Variants in H1-8 observed in about 807,000 individuals in gnomAD.
The protein encoded by H1-8 is histone H1.8.
A neutral mutation model predicts 19.5 loss-of-function variants in H1-8; 13 were observed. The ratio of observed to expected loss-of-function variants is 0.67; its 90% confidence interval spans 0.43 to 1.06. The LOEUF (loss-of-function observed/expected upper bound fraction) is 1.06. Ranked by LOEUF, H1-8 falls within the 50% of genes least tolerant of loss-of-function variation. The pLI is 0.00. For missense variants in H1-8, 432 were observed against 459.8 expected (o/e 0.94, Z 0.55); for synonymous variants, 193 against 187.6 (o/e 1.03, Z -0.24).
At chr3:129,549,413 G>A (rs2084917329) in intron 3 of H1-8, 49 bp downstream of exon 3, 2 of 1,504,214 alleles carry the variant, frequency 1.3e-6, no homozygotes, top group African/African-American at 2.8e-5. Flanking sequence ...GGTCTTGACA[G>A]CCACTGGAGC....
At position 129,548,705 on chromosome 3, in the gene H1-8, G is replaced by GA. The variant is rs796695459; in HGVS notation, c.379-296_379-295insA. 0.017 allele frequency among the ~76,000 whole-genome samples: 2,626 copies of GA among 152,238 alleles called. 314 individuals are homozygous for GA. In the East Asian group the frequency reaches 0.31, roughly 18 times the overall value. On this transcript the variant is annotated intron_variant, in intron 2 of 4. Transcript: ENST00000324382. The stretch of plus-strand genomic sequence containing the variant: ...GCTGAGCGTCAAGGGGCGAGGTGGT[G>GA]GGGGCATGGGGCATGAGGCAGGGCA...
At chr3:129,550,467 G>A (rs2084925194) in intron 3 of H1-8, among the ~76,000 whole-genome samples, 1 of 152,170 alleles carries the variant, frequency 6.6e-6, no homozygotes, top group Non-Finnish European at 1.5e-5. Flanking sequence ...TGACAGGCCC[G>A]TTAGACGTTG....
intron 1 of H1-8, among the ~76,000 whole-genome samples, chr3:129,546,541 T>C (rs1237798377): frequency 1.3e-5 from 2 of 152,200 alleles, no homozygotes; most frequent in South Asian, 2.1e-4. Context: ...GATAAGAGCC[T>C]TTTAAAAAGC....
At chr3:129,548,511 G>A in intron 2 of H1-8, 1 of 990,094 alleles carries the variant, frequency 1.0e-6, no homozygotes, top group Non-Finnish European at 1.2e-6. Context: ...GAGCCCTGAG[G>A]GTTGGGGGAC....
intron 3 of H1-8, 121 bp from the exon 4 acceptor site, chr3:129,550,624 C>T (rs1015521085): frequency 1.3e-6 from 1 of 762,616 alleles, no homozygotes; most frequent in Non-Finnish European, 2.3e-6. Flanking sequence ...TGCCCCATGT[C>T]ACATAACTGA....
Position 129,543,594 on chromosome 3 carries a change from C to T in H1-8, c.88+288C>T, listed in dbSNP as rs557230208. 8.5e-5 allele frequency among the ~76,000 whole-genome samples: 13 copies of T among 152,338 alleles called. No homozygotes were observed. In the East Asian group the frequency reaches 9.6e-4, roughly 11 times the overall value. On this transcript the variant is annotated intron_variant, in intron 1 of 4. Coordinates refer to ENST00000324382, the MANE Select transcript of H1-8 (RefSeq NM_153833.3). ...GCCACAGGGCCTTCCAGCTGGAGCCCGTTTCCTGCTGGGACCGTAGCCCGT... is the reference window on the plus strand; with the variant it reads ...GCCACAGGGCCTTCCAGCTGGAGCCTGTTTCCTGCTGGGACCGTAGCCCGT...
intron 1 of H1-8, among the ~76,000 whole-genome samples, chr3:129,543,868 G>A (rs1168752500): frequency 6.6e-6 from 1 of 152,188 alleles, no homozygotes. Context: ...AGAGCTGGAG[G>A]AGCCCAGAGG....
chr3:129,546,980 A>G (rs919385458), intron 1 of H1-8, among the ~76,000 whole-genome samples: 1 of 152,144 alleles, frequency 6.6e-6, no homozygotes, highest in African/African-American at 2.4e-5. Context: ...CGGGTGGGTC[A>G]TGAGGTCAGG....
chr3:129,551,031 T>C, intron 4 of H1-8, 76 bp from the exon 5 acceptor site: 1 of 1,335,386 alleles, frequency 7.5e-7, no homozygotes, highest in Non-Finnish European at 1.0e-6. Flanking sequence ...GGCGATGTTG[T>C]GTACCCAGAG....
intron 1 of H1-8, 35 bp downstream of exon 1, chr3:129,543,341 G>T (rs376787222): frequency 6.6e-7 from 1 of 1,508,098 alleles, no homozygotes; most frequent in African/African-American, 1.4e-5. Context: ...CCTCATCCCT[G>T]CGAGCCCACT....
rs59417369 is a variant in H1-8 at position 129,549,465 on chromosome 3, G to C, written c.742+101G>C. 0.034 allele frequency: 45,896 copies of C among 1,353,458 alleles called. 9,315 individuals are homozygous for C. In the African/African-American group the frequency reaches 0.51, roughly 15 times the overall value. 83.8% of individuals were successfully genotyped at this position (1,353,458 alleles called of 1,614,324 possible). On this transcript the variant is annotated intron_variant, in intron 3 of 4. Coordinates refer to ENST00000324382, the MANE Select transcript of H1-8 (RefSeq NM_153833.3). ...CTCTGGAGAGGGGTTTCCTTATCTA[G>C]TGCATGTGTCCTGAGTGCTGGGCTT... is the stretch of plus-strand genomic sequence containing the variant.
chr3:129,548,903 T>C (rs796754300), intron 2 of H1-8, 98 bp from the exon 3 acceptor site: 6 of 1,466,274 alleles, frequency 4.1e-6, no homozygotes, highest in Admixed American at 2.5e-5. Flanking sequence ...GGAGCCCCCC[T>C]GTTTGGAACG....
chr3:129,546,239 A>G (rs748804939), intron 1 of H1-8, among the ~76,000 whole-genome samples: 41 of 152,088 alleles, frequency 2.7e-4, no homozygotes, highest in Admixed American at 4.6e-4. Context: ...CAAGAGGATC[A>G]CTTGAGCTGG....
chr3:129,549,754 G>A (rs570991874), intron 3 of H1-8, among the ~76,000 whole-genome samples: 2 of 152,056 alleles, frequency 1.3e-5, no homozygotes, highest in Non-Finnish European at 2.9e-5. Context: ...AGGAGTTTGA[G>A]ACCAACCTGG....
rs753579999 is a variant in H1-8, at chr3:129,549,129, C to T, written c.507C>T (p.Asn169=). Residue 169 remains asparagine (N), a synonymous_variant, in exon 3 of 5, where the codon AAC becomes AAT. Coordinates refer to ENST00000324382, the MANE Select transcript of H1-8 (RefSeq NM_153833.3). ...GTGAGGCCAAGGAGGACCCTCCCAA[C>T]GTGGGCAAGGTGAAAAAGGCAGCCA... is the stretch of plus-strand genomic sequence containing the variant. The part of the protein sequence containing the change: ...KPSEAKEDPP[N]VGKVKKAAKR... 27 of 1,582,370 alleles carry T rather than the reference C, an allele frequency of 1.7e-5. No individual in the cohort carries two copies. Among genetic ancestry groups the T allele is most frequent in the South Asian group, 5.7e-5 (5 of 87,862 alleles).
intron 1 of H1-8, among the ~76,000 whole-genome samples, chr3:129,545,183 C>T (rs1006078482): frequency 6.6e-6 from 1 of 152,018 alleles, no homozygotes; most frequent in South Asian, 2.1e-4. Context: ...ACCTCAGCCT[C>T]CCAAGTAGCT....
chr3:129,550,811 T>C lies in H1-8; in HGVS notation c.807+2T>C, dbSNP rs766880633. The stretch of plus-strand genomic sequence containing the variant: ...AGTTCAAAACCCACGGCCAGCAAGG[T>C]AGGTGCCTGCATGAATTTCCTGGCC... On this transcript the variant is annotated splice_donor_variant, in intron 4 of 4. Transcript: ENST00000324382. LOFTEE classifies it high-confidence loss of function. 8 of 1,612,136 alleles carry C rather than the reference T, an allele frequency of 5.0e-6. No homozygotes were observed. Among genetic ancestry groups the C allele is most frequent in the Non-Finnish European group, 5.9e-6 (7 of 1,178,954 alleles).
chr3:129,544,694 C>G (rs1279876580), intron 1 of H1-8, among the ~76,000 whole-genome samples: 1 of 151,912 alleles, frequency 6.6e-6, no homozygotes, highest in East Asian at 1.9e-4. Context: ...CTCTCTGGGA[C>G]AGACATGGTC....
chr3:129,547,390 G>A lies in H1-8; in HGVS notation c.89-1G>A. The A allele has an allele frequency of 3.3e-6, 5 of 1,495,292 alleles. No homozygotes were observed. Among genetic ancestry groups the A allele is most frequent in the Non-Finnish European group, 4.4e-6 (5 of 1,127,300 alleles). The allele number at this position is 1,495,292 out of a possible 1,614,324, so 92.6% of individuals were successfully genotyped here. On this transcript the variant is annotated splice_acceptor_variant, in intron 1 of 4. Transcript: ENST00000324382. LOFTEE classifies it high-confidence loss of function. ...GGTGATGGCCTGCCATCTCTCCTCA[G>A]GCCCGAGCCACGGCGGTGTCCCACC...
Sources: gnomAD v4.1 joint callset for allele counts (sites outside exome capture counted in the v4.1 genomes callset) on GRCh38, gnomAD v4.1.1 for gene constraint, MANE v1.5 for transcripts, NCBI Gene and HGNC (gene_info 2026-07-23, HGNC 2026-07-21) for gene names.